The following RP1 variants were observed in gnomAD, a reference collection of about 807,000 sequenced individuals.
The protein encoded by RP1 is oxygen-regulated protein 1.
In RP1, 16 loss-of-function variants were observed where a neutral mutation model predicts 14.8. The ratio of observed to expected loss-of-function variants is 1.08; its 90% CI spans 0.73 to 1.65. RP1 has a LOEUF of 1.65. Among genes scored for constraint, RP1 ranks in the 40% most tolerant of loss-of-function variants. RP1 has a pLI of 0.00. For synonymous variants in RP1, 876 were observed against 883.6 expected, an observed-to-expected ratio of 0.99 and a Z score of 0.15; for missense variants, 2,631 against 2,535.0, an observed-to-expected ratio of 1.04 and a Z score of -0.81.
intron 1 of RP1, among the ~76,000 whole-genome samples, chr8:54,566,545 T>C (rs1333590763): frequency 6.6e-6 from 1 of 152,128 alleles, no homozygotes; most frequent in Non-Finnish European, 1.5e-5. Context: ...GCTAGAGGAA[T>C]GGGCCAGGCA....
In RP1 at chr8:54,775,508, C is replaced by A. The variant is rs532673926; in HGVS notation, c.3451+5341C>A. ...AGTCTGCATGGAAAGGAATGAAGGC[C>A]ATTGCTCTGACCCCTGGCTGTGCTT... On this transcript the variant is annotated intron_variant, in intron 23 of 28. Coordinates refer to the RP1 transcript ENST00000637698. Among the ~76,000 whole-genome samples the A allele has an allele frequency of 5.3e-5, 8 of 152,246 alleles. 1 individual carries two copies. Among genetic ancestry groups the A allele is most frequent in the South Asian group, 4.2e-4 (2 of 4,814 alleles).
chr8:54,663,795 C>T, exon 7 of RP1: 1 of 1,535,108 alleles, frequency 6.5e-7, no homozygotes, highest in East Asian at 2.4e-5. Flanking sequence ...AAGGGAGATA[C>T]AGGATCCAGA....
chr8:54,596,918 C>G (rs190941574), intron 1 of RP1, among the ~76,000 whole-genome samples: 74 of 152,202 alleles, frequency 4.9e-4, no homozygotes, highest in Admixed American at 1.1e-3. Flanking sequence ...CTAAGTCAAG[C>G]CCTTATGAAC....
At chr8:54,726,532 C>A in intron 17 of RP1, 1 of 1,484,868 alleles carries the variant, frequency 6.7e-7, no homozygotes, top group African/African-American at 1.4e-5. Context: ...TTATTTCTTC[C>A]TGTGGCCATT....
intron 19 of RP1, among the ~76,000 whole-genome samples, chr8:54,746,354 A>G (rs1809224090): frequency 6.6e-6 from 1 of 152,186 alleles, no homozygotes; most frequent in African/African-American, 2.4e-5. Flanking sequence ...GATGTCATTC[A>G]GAGTCTTAAA....
At chr8:54,849,484 C>A (rs181685238) in intron 25 of RP1, among the ~76,000 whole-genome samples, 2 of 152,014 alleles carry the variant, frequency 1.3e-5, no homozygotes, top group East Asian at 3.9e-4. Flanking sequence ...TTATATGTCC[C>A]CATGAAAAGC....
At chr8:54,696,057 A>C (rs906858080) in intron 12 of RP1, among the ~76,000 whole-genome samples, 2 of 152,170 alleles carry the variant, frequency 1.3e-5, no homozygotes, top group Non-Finnish European at 2.9e-5. Flanking sequence ...TTAAAAATTG[A>C]AATTCTATAG....
At position 54,622,340 on chromosome 8, in the gene RP1, T is replaced by C. The variant is rs577635143; in HGVS notation, c.787+52T>C. The C allele has an allele frequency of 1.6e-4, 245 of 1,571,136 alleles. 2 individuals are homozygous for C. In the Middle Eastern group the frequency reaches 1.9e-3, roughly 12 times the overall value. On this transcript the variant is annotated intron_variant, in intron 3 of 3. Coordinates refer to ENST00000220676, the MANE Select transcript of RP1 (RefSeq NM_006269.2). ...ATATTTTTAGCCCTGAGATTTTTTT[T>C]GCCTCAAGGACGGCAAAATCCATGC...
At chr8:54,822,327 A>G (rs1811276358) in intron 24 of RP1, among the ~76,000 whole-genome samples, 2 of 151,796 alleles carry the variant, frequency 1.3e-5, no homozygotes, top group African/African-American at 4.8e-5. Flanking sequence ...TGATTGTAGG[A>G]ATTTTATCTT....
intron 2 of RP1, 52 bp downstream of exon 2, chr8:54,621,633 A>G: frequency 2.5e-6 from 4 of 1,612,142 alleles, no homozygotes; most frequent in Non-Finnish European, 3.4e-6. Context: ...GCACCCTACT[A>G]ATTGGATTCG....
intron 1 of RP1, among the ~76,000 whole-genome samples, chr8:54,559,605 G>A (rs1403429093): frequency 1.3e-5 from 2 of 152,172 alleles, no homozygotes; most frequent in Non-Finnish European, 2.9e-5. Flanking sequence ...TTTTGAGAGG[G>A]AGTTTGGACA....
At chr8:54,734,406 G>C in intron 17 of RP1, 1 of 666,940 alleles carries the variant, frequency 1.5e-6, no homozygotes, top group Non-Finnish European at 2.4e-6. Flanking sequence ...CAGCTCCCTG[G>C]AGTCTTCACA....
intron 25 of RP1, among the ~76,000 whole-genome samples, chr8:54,851,773 A>G (rs1812066283): frequency 6.6e-6 from 1 of 152,208 alleles, no homozygotes; most frequent in African/African-American, 2.4e-5. Flanking sequence ...GGAAACAGCC[A>G]ATGTTTCTCA....
intron 7 of RP1, among the ~76,000 whole-genome samples, chr8:54,673,669 G>C (rs960067109): frequency 6.6e-6 from 1 of 152,172 alleles, no homozygotes; most frequent in Non-Finnish European, 1.5e-5. Flanking sequence ...GAGCCCGGGA[G>C]GCAGAGGTTG....
At chr8:54,734,502 G>C in intron 17 of RP1, 1 of 1,489,728 alleles carries the variant, frequency 6.7e-7, no homozygotes, top group Non-Finnish European at 8.9e-7. Flanking sequence ...CTGTCAGCCT[G>C]ATGTTATATC....
chr8:54,862,994 T>C (rs901165768), intron 27 of RP1, among the ~76,000 whole-genome samples: 3 of 149,154 alleles, frequency 2.0e-5, no homozygotes, highest in Admixed American at 1.3e-4. Context: ...ATCAGCATAT[T>C]TTGTGTCTTA....
chr8:54,689,144 A>AT (rs1195265662), intron 12 of RP1, among the ~76,000 whole-genome samples: 2 of 152,026 alleles, frequency 1.3e-5, no homozygotes, highest in Non-Finnish European at 2.9e-5. Context: ...AATGCTTGTG[A>AT]TTTTTTTACA....
downstream of RP1, among the ~76,000 whole-genome samples, chr8:54,633,451 A>C (rs1806286971): frequency 6.6e-6 from 1 of 152,138 alleles, no homozygotes; most frequent in Non-Finnish European, 1.5e-5. Context: ...CTCATTTTTC[A>C]GAGTGTAAAC....
chr8:54,730,583 T>C (rs1346843030), intron 17 of RP1, among the ~76,000 whole-genome samples: 1 of 152,108 alleles, frequency 6.6e-6, no homozygotes, highest in African/African-American at 2.4e-5. Context: ...TATATTAAGA[T>C]CATTAGGATA....
Sources: gnomAD v4.1 joint callset for allele counts (sites outside exome capture counted in the v4.1 genomes callset) on GRCh38, gnomAD v4.1.1 for gene constraint, MANE v1.5 for transcripts, NCBI Gene and HGNC (gene_info 2026-07-23, HGNC 2026-07-21) for gene names.